Variants in PLCH2 observed in about 807,000 individuals in gnomAD.
The protein encoded by PLCH2 is 1-phosphatidylinositol 4,5-bisphosphate phosphodiesterase eta-2.
Under a neutral mutation model 134.7 loss-of-function variants are expected in PLCH2, and 98 were observed. That is an observed-to-expected ratio of 0.73 (90% CI 0.62 to 0.86). The LOEUF (loss-of-function observed/expected upper bound fraction) is 0.86, where lower values mean the gene tolerates loss of function less well. Ranked by LOEUF, PLCH2 falls within the 40% of genes least tolerant of loss-of-function variation. The probability of loss-of-function intolerance (pLI) is 0.00; values close to 1 mark genes in which losing one functional copy is unlikely to be tolerated. For missense variants in PLCH2, 1,994 were observed against 1,986.6 expected, an observed-to-expected ratio of 1.00 and a Z score of -0.07; for synonymous variants, 974 against 827.5, an observed-to-expected ratio of 1.18 and a Z score of -3.04.
chr1:2,419,848 C>T, the PLCH2 span, among the ~76,000 whole-genome samples: 1 of 152,044 alleles, frequency 6.6e-6, no homozygotes, highest in African/African-American at 2.4e-5. Context: ...TGGACTGGGA[C>T]CCTCAAGCCA....
chr1:2,477,087 G>A (rs1049490391), intron 1 of PLCH2, among the ~76,000 whole-genome samples: 1 of 152,200 alleles, frequency 6.6e-6, no homozygotes, highest in African/African-American at 2.4e-5. Flanking sequence ...CCGGACATGA[G>A]GGCCTTTGCC....
In PLCH2 at chr1:2,504,949, A is replaced by AG; in HGVS notation, c.3992dup (p.Gly1333TrpfsTer77). On this transcript the variant is annotated frameshift_variant, in exon 22 of 22. Coordinates refer to ENST00000378486, the MANE Select transcript of PLCH2 (RefSeq NM_014638.4). LOFTEE classifies it high-confidence loss of function. ...TGGGCCCGGCTGGGGAGGGGGTGGC[A>AG]GGGGGCCCTGGTTTTGTGCGGCGCT... 2 of 1,562,562 alleles carry AG rather than the reference A, an allele frequency of 1.3e-6. No individual in the cohort carries two copies. Among genetic ancestry groups the AG allele is most frequent in the South Asian group, 1.2e-5 (1 of 85,540 alleles).
At chr1:2,451,825 CG>C (rs1206551874) in intron 2 of PLCH2, among the ~76,000 whole-genome samples, 3 of 149,658 alleles carry the variant, frequency 2.0e-5, no homozygotes, top group Admixed American at 1.3e-4. Flanking sequence ...TCTGGGCTGC[CG>C]GGGGGGCGGT....
At position 2,505,282 on chromosome 1, in the gene PLCH2, A is replaced by G; in HGVS notation, c.*69A>G. 1.6e-6 allele frequency: 2 copies of G among 1,274,912 alleles called. No homozygotes were observed. Among genetic ancestry groups the G allele is most frequent in the Non-Finnish European group, 2.2e-6 (2 of 930,064 alleles). The allele number at this position is 1,274,912 out of a possible 1,614,324, so 79.0% of individuals were successfully genotyped here. On this transcript the variant is annotated 3_prime_UTR_variant, in exon 22 of 22. Transcript: ENST00000378486. Reference sequence around the variant, plus strand: ...GGGGTGGGCGTGTTGTTTGCTCAGGAAACAGGGCAGCCAGGCCCCCAAAAC... The same window carrying G: ...GGGGTGGGCGTGTTGTTTGCTCAGGGAACAGGGCAGCCAGGCCCCCAAAAC...
At position 2,439,135 on chromosome 1, in the gene PLCH2, C is replaced by G. The variant is rs1639571887; in HGVS notation, c.115+8506C>G. ...AGGCAGGATACCATGTCTCTGGGGA[C>G]CCTGGGCAGGTGCCTTTCTCTCTTT... On this transcript the variant is annotated intron_variant, in intron 2 of 3. Transcript: ENST00000609981. This position sits in a 1 kb window ranked among gnomAD's most constrained non-coding sequence, Gnocchi z 4.7. 6.6e-6 allele frequency among the ~76,000 whole-genome samples: 1 copy of G among 152,238 alleles called. No individual in the cohort carries two copies. The highest frequency in any genetic ancestry group is 2.4e-5 in the African/African-American group (1 of 41,466).
chr1:2,498,216 A>G lies in PLCH2; in HGVS notation c.2225-307A>G. The G allele has an allele frequency of 5.1e-6, 2 of 395,468 alleles. No individual in the cohort carries two copies. Among genetic ancestry groups the G allele is most frequent in the South Asian group, 3.6e-5 (1 of 27,990 alleles). 24.5% of individuals were successfully genotyped at this position (395,468 alleles called of 1,614,324 possible). ...CTGAGTGGGCCCTGGGGACACTGTC[A>G]CCAGAGACCCCACCCCTCATACCCC... On this transcript the variant is annotated intron_variant, in intron 16 of 21. Coordinates refer to ENST00000378486, the MANE Select transcript of PLCH2 (RefSeq NM_014638.4). This position sits in a 1 kb window ranked among gnomAD's most constrained non-coding sequence, Gnocchi z 5.4.
rs529480435 is a variant in PLCH2 at position 2,502,325 on chromosome 1, G to A, written c.2875G>A (p.Val959Met). The A allele has an allele frequency of 1.3e-6, 2 of 1,535,680 alleles. No individual in the cohort carries two copies. Among genetic ancestry groups the A allele is most frequent in the East Asian group, 2.5e-5 (1 of 40,694 alleles). Reference sequence around the variant, plus strand: ...TACACGGGACACAGGCTCCAAGGGGGTGGCAGACGATGTGGTGCCCCCCGG... The same window carrying A: ...TACACGGGACACAGGCTCCAAGGGGATGGCAGACGATGTGGTGCCCCCCGG... ...LGTRDTGSKG[V>M]ADDVVPPGPG... The change falls in exon 21 of 22, where the codon GTG becomes ATG. Residue 959 changes from valine (V) to methionine (M), a missense_variant. Val to Met is a conservative substitution (Grantham distance 21). Transcript: ENST00000378486.
Position 2,497,138 on chromosome 1 carries a change from C to T in PLCH2, c.2116+128C>T, listed in dbSNP as rs974068081. On this transcript the variant is annotated intron_variant, in intron 15 of 21. Coordinates refer to ENST00000378486, the MANE Select transcript of PLCH2 (RefSeq NM_014638.4). ...GTCCTGGGCTCTATTGCCCTTGGAG[C>T]CTCCACACCTCTGTGGCATGCTGCC... 23 of 885,830 alleles carry T rather than the reference C, an allele frequency of 2.6e-5. No individual in the cohort carries two copies. In the African/African-American group the frequency reaches 3.4e-4, roughly 13 times the overall value. 54.9% of individuals were successfully genotyped at this position (885,830 alleles called of 1,614,324 possible).
At chr1:2,481,361 G>A (rs904119819) in intron 4 of PLCH2, among the ~76,000 whole-genome samples, 1 of 152,274 alleles carries the variant, frequency 6.6e-6, no homozygotes, top group African/African-American at 2.4e-5. Context: ...GGGGCTGGCA[G>A]GTGGCTGAGT....
At chr1:2,479,247 C>T (rs549959572) in intron 2 of PLCH2, 5 of 166,846 alleles carry the variant, frequency 3.0e-5, no homozygotes, top group Admixed American at 2.8e-4. Flanking sequence ...AGCGTGTAGC[C>T]ACTTTGGGCC....
chr1:2,458,505 G>A (rs1570327411), intron 2 of PLCH2, among the ~76,000 whole-genome samples: 1 of 152,184 alleles, frequency 6.6e-6, no homozygotes, highest in East Asian at 1.9e-4. Flanking sequence ...GTGCCAGGCT[G>A]GCCCGAGTGG....
intron 21 of PLCH2, chr1:2,503,414 C>T (rs971347791): frequency 6.3e-5 from 37 of 591,650 alleles, no homozygotes; most frequent in South Asian, 1.8e-4. Flanking sequence ...GCCCCTGGGA[C>T]GCCTGGAGCC....
At chr1:2,446,226 C>T (rs1464074271) in intron 2 of PLCH2, among the ~76,000 whole-genome samples, 1 of 152,258 alleles carries the variant, frequency 6.6e-6, no homozygotes, top group Non-Finnish European at 1.5e-5. Context: ...CTGCTGCCCA[C>T]TCTGGGGCTG....
At chr1:2,459,439 TGCCGGTGG>T (rs1236872916) in intron 2 of PLCH2, among the ~76,000 whole-genome samples, 2 of 75,024 alleles carry the variant, frequency 2.7e-5, no homozygotes, top group Admixed American at 1.3e-4. Context: ...TGGTCCTCCT[TGCCGGTGG>T]TCCTCCTTCC....
At chr1:2,455,200 T>C (rs1640431431) in intron 2 of PLCH2, among the ~76,000 whole-genome samples, 3 of 152,162 alleles carry the variant, frequency 2.0e-5, no homozygotes, top group African/African-American at 4.8e-5. Context: ...AGCCCGGGCA[T>C]GGGACCCTCG....
At chr1:2,416,838 C>T in the PLCH2 span, among the ~76,000 whole-genome samples, 7 of 152,216 alleles carry the variant, frequency 4.6e-5, no homozygotes, top group East Asian at 1.9e-4. Context: ...GCAGGTGGTC[C>T]GGGGCTCTGC....
Position 2,499,702 on chromosome 1 carries a change from C to G in PLCH2, c.2643C>G (p.Val881=). 1 of 1,590,856 alleles carries G rather than the reference C, an allele frequency of 6.3e-7. No homozygotes were observed. ...EEASIFVHVA[V]SDISGKVKQA... ...CCTCCATCTTCGTGCATGTGGCTGT[C>G]AGTGACATCAGCGGTAAGGTGAGTG... is the stretch of plus-strand genomic sequence containing the variant. Residue 881 remains valine (V), a synonymous_variant, in exon 20 of 22, where the codon GTC becomes GTG. Coordinates refer to ENST00000378486, the MANE Select transcript of PLCH2 (RefSeq NM_014638.4).
chr1:2,457,031 C>T (rs1181401663), intron 2 of PLCH2, among the ~76,000 whole-genome samples: 2 of 152,196 alleles, frequency 1.3e-5, no homozygotes, highest in African/African-American at 2.4e-5. Context: ...GCAAGAGCCA[C>T]CTACCTCCAG....
chr1:2,492,806 G>T (rs763137405), intron 11 of PLCH2, among the ~76,000 whole-genome samples: 1 of 152,092 alleles, frequency 6.6e-6, no homozygotes, highest in Non-Finnish European at 1.5e-5. Context: ...TGGGGTAGCC[G>T]GTGTCCCCTC....
Sources: allele counts gnomAD v4.1 joint callset (sites outside exome capture counted in the v4.1 genomes callset), GRCh38; gene constraint gnomAD v4.1.1; non-coding constraint Gnocchi (gnomAD v3.1); transcripts MANE v1.5; gene names NCBI Gene and HGNC (gene_info 2026-07-23, HGNC 2026-07-21).